The following SIGIRR variants were observed in gnomAD, a reference collection of about 807,000 sequenced individuals.
SIGIRR encodes the protein single Ig IL-1-related receptor.
A neutral mutation model predicts 45.6 loss-of-function variants in SIGIRR; 41 were observed. That is an observed-to-expected ratio of 0.90 (90% CI 0.70 to 1.17). The LOEUF (loss-of-function observed/expected upper bound fraction) is 1.17. SIGIRR is among the 50% of genes most tolerant of loss of function. SIGIRR has a pLI of 0.00. For missense variants in SIGIRR, 599 were observed against 539.6 expected (o/e 1.11, Z -1.09); for synonymous variants, 298 against 239.0 (o/e 1.25, Z -2.28).
In SIGIRR at chr11:405,750, G is replaced by GCTTTTCCC. The variant is rs1564884709; in HGVS notation, c.*145_*146insGGGAAAAG. 3.2e-6 allele frequency: 3 copies of GCTTTTCCC among 941,050 alleles called. No individual in the cohort carries two copies. In the African/African-American group the frequency reaches 5.0e-5, roughly 16 times the overall value. The allele number at this position is 941,050 out of a possible 1,614,324, so 58.3% of individuals were successfully genotyped here. A position where few individuals can be genotyped will look rare whatever the true frequency, so the allele number is the denominator to read the frequency against. On this transcript the variant is annotated 3_prime_UTR_variant, in exon 10 of 10. Coordinates refer to ENST00000431843, the MANE Select transcript of SIGIRR (RefSeq NM_001135054.2). Reference sequence around the variant, plus strand: ...AAAGGACTTTATTTTCTGGCACTGGGAGGCGCCCTGAGGCCACAGCCTTTT... The same window carrying GCTTTTCCC: ...AAAGGACTTTATTTTCTGGCACTGGGCTTTTCCCAGGCGCCCTGAGGCCACAGCCTTTT...
In SIGIRR at chr11:406,530, G is replaced by A. The variant is rs764181632; in HGVS notation, c.888C>T (p.Ser296=). The change falls in exon 9 of 10, where the codon TCC becomes TCT. Residue 296 remains serine (S), a synonymous_variant. Transcript: ENST00000431843. The stretch of plus-strand genomic sequence containing the variant: ...GCTGCACTTCTTTCCAAAAATCGGA[G>A]GAAGGAGTCTGGGGGCCAGGTCGGG... ...LLWRPGSVTP[S]SDFWKEVQLA... 2.1e-5 allele frequency: 34 copies of A among 1,608,510 alleles called. No homozygotes were observed. In the African/African-American group the frequency reaches 2.4e-4, roughly 11 times the overall value.
chr11:413,632 C>A (rs985420084), intron 1 of SIGIRR, among the ~76,000 whole-genome samples: 3 of 151,578 alleles, frequency 2.0e-5, no homozygotes, highest in African/African-American at 7.3e-5. Context: ...CCCTGCAAAC[C>A]CTCCTCTGCA....
chr11:415,868 C>T (rs987624355), upstream of SIGIRR, among the ~76,000 whole-genome samples: 4 of 152,188 alleles, frequency 2.6e-5, no homozygotes, highest in African/African-American at 9.6e-5. The surrounding 1 kb of genome is among the most constrained non-coding windows in gnomAD (Gnocchi z 6.6). Flanking sequence ...CAAGGGTCTC[C>T]TTTGGACCCT....
At chr11:410,267 C>T (rs1847525832) in intron 1 of SIGIRR, among the ~76,000 whole-genome samples, 1 of 152,100 alleles carries the variant, frequency 6.6e-6, no homozygotes, top group African/African-American at 2.4e-5. Context: ...TCACCTCCAC[C>T]GGCCCTGGGG....
At chr11:414,695 C>A (rs1041950570) in intron 1 of SIGIRR, 128 bp downstream of exon 1, 85 of 589,786 alleles carry the variant, frequency 1.4e-4, no homozygotes, top group Non-Finnish European at 1.8e-4. Flanking sequence ...GCGACACAGC[C>A]TCCTGCTGCC....
Position 409,409 on chromosome 11 carries a change from C to T in SIGIRR, c.7+459G>A, listed in dbSNP as rs1847492030. 1.5e-5 allele frequency: 4 copies of T among 258,716 alleles called. No individual in the cohort carries two copies. In the South Asian group the frequency reaches 2.2e-4, roughly 14 times the overall value. 16.0% of individuals were successfully genotyped at this position (258,716 alleles called of 1,614,324 possible). On this transcript the variant is annotated intron_variant, in intron 2 of 9. Transcript: ENST00000431843. ...ACAGCTGGGAGCCTGGAGCAGTTGG[C>T]CTCATTCCTGCCTTGGGGGTCTTGG...
At chr11:406,088 G>T (rs1386472838) in intron 9 of SIGIRR, 29 bp from the exon 10 acceptor site, 1 of 1,549,498 alleles carries the variant, frequency 6.5e-7, no homozygotes, top group East Asian at 2.4e-5. Context: ...GACGCCTGAG[G>T]TGGCCACCCA....
chr11:414,676 GC>G (rs1278679818), intron 1 of SIGIRR, 146 bp downstream of exon 1: 1 of 419,736 alleles, frequency 2.4e-6, no homozygotes, highest in Non-Finnish European at 3.2e-6. Context: ...CCCACCCTTG[GC>G]CGCTGATGCG....
chr11:409,353 C>T, intron 2 of SIGIRR: 2 of 308,148 alleles, frequency 6.5e-6, no homozygotes, highest in South Asian at 3.1e-5. Flanking sequence ...CCCAGATGCC[C>T]AGTGTGCCAG....
Position 414,945 on chromosome 11 carries a change from G to A in SIGIRR, c.-276C>T, listed in dbSNP as rs1465939609. On this transcript the variant is annotated 5_prime_UTR_variant, in exon 1 of 10. Coordinates refer to ENST00000431843, the MANE Select transcript of SIGIRR (RefSeq NM_001135054.2). ...GCACCAAGGCTGCTATGGATGCATCGCCAAGCGCGGTGGGGACCTGGCTTG... is the reference window on the plus strand; with the variant it reads ...GCACCAAGGCTGCTATGGATGCATCACCAAGCGCGGTGGGGACCTGGCTTG... 17 of 907,708 alleles carry A rather than the reference G, an allele frequency of 1.9e-5. No individual in the cohort carries two copies. Among genetic ancestry groups the A allele is most frequent in the Non-Finnish European group, 2.2e-5 (17 of 759,200 alleles). 56.2% of individuals were successfully genotyped at this position (907,708 alleles called of 1,614,324 possible). A position where few individuals can be genotyped will look rare whatever the true frequency, so the allele number is the denominator to read the frequency against.
At chr11:409,187 T>C in intron 2 of SIGIRR, 1 of 502,730 alleles carries the variant, frequency 2.0e-6, no homozygotes, top group Non-Finnish European at 3.7e-6. Flanking sequence ...ACCCAGGATG[T>C]GAGTCCAGCC....
intron 1 of SIGIRR, among the ~76,000 whole-genome samples, chr11:410,662 C>T (rs796212740): frequency 2.2e-4 from 2 of 9,102 alleles, no homozygotes; most frequent in East Asian, 3.6e-3. Flanking sequence ...TGGATACAGC[C>T]GGGGGGGGTG....
chr11:412,210 A>G (rs369201458), intron 1 of SIGIRR, among the ~76,000 whole-genome samples: 59 of 5,100 alleles, frequency 0.012, no homozygotes, highest in African/African-American at 0.034. Flanking sequence ...ACAGTCGGGG[A>G]GGGGTGCCCA....
chr11:406,692 C>T, intron 8 of SIGIRR, 151 bp downstream of exon 8: 2 of 1,407,374 alleles, frequency 1.4e-6, no homozygotes, highest in East Asian at 2.5e-5. Context: ...CTCCCCGCAT[C>T]GGGGCCCCAG....
At chr11:410,122 C>A in intron 1 of SIGIRR, 95 bp from the exon 2 acceptor site, 1 of 1,095,488 alleles carries the variant, frequency 9.1e-7, no homozygotes, top group African/African-American at 1.6e-5. Context: ...CCAGATGCGA[C>A]CCTGAGCAGC....
intron 9 of SIGIRR, 36 bp from the exon 10 acceptor site, chr11:406,095 C>A: frequency 7.1e-6 from 11 of 1,546,912 alleles, no homozygotes; most frequent in Non-Finnish European, 9.6e-6. Context: ...GAGGTGGCCA[C>A]CCACAGCCTT....
chr11:414,855 G>A lies in SIGIRR; in HGVS notation c.-186C>T, dbSNP rs530708265. 3 of 985,552 alleles carry A rather than the reference G, an allele frequency of 3.0e-6. No individual in the cohort carries two copies. Among genetic ancestry groups the A allele is most frequent in the Admixed American group, 6.1e-5 (1 of 16,290 alleles). The allele number at this position is 985,552 out of a possible 1,614,324, so 61.1% of individuals were successfully genotyped here. A position where few individuals can be genotyped will look rare whatever the true frequency, so the allele number is the denominator to read the frequency against. On this transcript the variant is annotated 5_prime_UTR_variant, in exon 1 of 10. Transcript: ENST00000431843. Reference sequence around the variant, plus strand: ...CAGTTCTTTCCTCCGGGGGGCAAATGTTGGTCATTGGTGCGCCTTTGGGAG... The same window carrying A: ...CAGTTCTTTCCTCCGGGGGGCAAATATTGGTCATTGGTGCGCCTTTGGGAG...
chr11:407,439 A>G lies in SIGIRR; in HGVS notation c.611T>C (p.Leu204Pro). The change falls in exon 6 of 10, where the codon CTC becomes CCC. Residue 204 changes from leucine to proline, a missense_variant. Transcript: ENST00000431843. Reference protein sequence around the residue: ...GYKLFLDDRDLLPRAEPSADL... With the variant: ...GYKLFLDDRDPLPRAEPSADL... The stretch of plus-strand genomic sequence containing the variant: ...GCCCGGGATACCAGCGCGCGGCAGG[A>G]GGTCGCGGTCGTCCAGGAAGAGCTT... The G allele has an allele frequency of 6.5e-7, 1 of 1,549,752 alleles. No individual in the cohort carries two copies. The highest frequency in any genetic ancestry group is 1.9e-5 in the Admixed American group (1 of 51,288).
intron 1 of SIGIRR, 93 bp from the exon 2 acceptor site, chr11:410,120 G>C (rs987041444): frequency 2.2e-5 from 24 of 1,115,826 alleles, no homozygotes; most frequent in South Asian, 4.4e-5. Flanking sequence ...GACCAGATGC[G>C]ACCCTGAGCA....
Sources: gnomAD v4.1 joint callset for allele counts (sites outside exome capture counted in the v4.1 genomes callset) on GRCh38, gnomAD v4.1.1 for gene constraint, Gnocchi (gnomAD v3.1) non-coding constraint, MANE v1.5 for transcripts, NCBI Gene and HGNC (gene_info 2026-07-23, HGNC 2026-07-21) for gene names.